Variants in SLC9D1 observed in about 807,000 individuals in gnomAD.
The protein encoded by SLC9D1 is putative LAG1-interacting protein.
chr13:113,538,115 T>TTGTG, the SLC9D1 span, among the ~76,000 whole-genome samples: 24,848 of 151,276 alleles, frequency 0.16, 2,228 homozygotes, highest in Admixed American at 0.27. Flanking sequence ...ATGTATGTGT[T>TTGTG]TGTGCATGCA....
the SLC9D1 span, among the ~76,000 whole-genome samples, chr13:113,506,417 TG>T: frequency 1.3e-3 from 110 of 83,940 alleles, 5 homozygotes; most frequent in East Asian, 2.9e-3. Flanking sequence ...GTGGGCCGCG[TG>T]GCTGCCTGGC....
the SLC9D1 span, among the ~76,000 whole-genome samples, chr13:113,507,388 C>T: frequency 3.3e-5 from 5 of 152,162 alleles, no homozygotes; most frequent in Admixed American, 1.3e-4. Context: ...CTGAGATACC[C>T]GGAGTGACTT....
chr13:113,492,930 C>T, the SLC9D1 span, among the ~76,000 whole-genome samples: 1 of 152,100 alleles, frequency 6.6e-6, no homozygotes, highest in Admixed American at 6.5e-5. Context: ...AAACACATTA[C>T]AGGAATCCAA....
chr13:113,546,527 GT>G, the SLC9D1 span, among the ~76,000 whole-genome samples: 1 of 152,202 alleles, frequency 6.6e-6, no homozygotes, highest in Admixed American at 6.5e-5. The surrounding 1 kb of genome is among the most constrained non-coding windows in gnomAD (Gnocchi z 7.1). Context: ...AAAGGCCAGT[GT>G]TTACATTTGT....
the SLC9D1 span, among the ~76,000 whole-genome samples, chr13:113,544,625 C>G: frequency 6.6e-6 from 1 of 152,376 alleles, no homozygotes; most frequent in South Asian, 2.1e-4. Flanking sequence ...AGATGATTAT[C>G]TCTCACCGTT....
the SLC9D1 span, among the ~76,000 whole-genome samples, chr13:113,544,526 G>A: frequency 6.6e-6 from 1 of 152,234 alleles, no homozygotes; most frequent in South Asian, 2.1e-4. Flanking sequence ...AGCCACGCTT[G>A]CTCATTTACT....
At chr13:113,501,137 T>C in the SLC9D1 span, among the ~76,000 whole-genome samples, 1 of 152,140 alleles carries the variant, frequency 6.6e-6, no homozygotes, top group Non-Finnish European at 1.5e-5. Context: ...GTTTCCCAGA[T>C]TAGAAAACTC....
the SLC9D1 span, among the ~76,000 whole-genome samples, chr13:113,543,950 C>G: frequency 6.6e-6 from 1 of 152,208 alleles, no homozygotes. Context: ...TTATAGCTCA[C>G]TTTTTTCTCT....
At chr13:113,505,209 T>G in the SLC9D1 span, 2 of 152,224 alleles carry the variant, frequency 1.3e-5, no homozygotes, top group African/African-American at 2.4e-5. Flanking sequence ...TATTAGTCCT[T>G]TGTCGGATGT....
the SLC9D1 span, chr13:113,500,223 C>T: frequency 1.0e-6 from 1 of 991,322 alleles, no homozygotes; most frequent in Non-Finnish European, 1.4e-6. Context: ...CGAGCTTTAT[C>T]TTCTGAACAA....
At chr13:113,547,740 A>C in the SLC9D1 span, among the ~76,000 whole-genome samples, 2 of 152,188 alleles carry the variant, frequency 1.3e-5, no homozygotes, top group African/African-American at 4.8e-5. Context: ...GTCCCCCGTG[A>C]CTGCCAGTGA....
chr13:113,544,005 G>A, the SLC9D1 span, among the ~76,000 whole-genome samples: 6 of 152,352 alleles, frequency 3.9e-5, no homozygotes, highest in East Asian at 3.9e-4. Context: ...CAGGCAGCAC[G>A]TAGACGGCAT....
chr13:113,526,147 C>T, the SLC9D1 span, among the ~76,000 whole-genome samples: 8 of 152,154 alleles, frequency 5.3e-5, no homozygotes, highest in South Asian at 2.1e-4. Context: ...TGGAAGACAG[C>T]GACACTGATG....
chr13:113,534,219 C>T, the SLC9D1 span: 4 of 1,613,334 alleles, frequency 2.5e-6, no homozygotes, highest in Non-Finnish European at 3.4e-6. Context: ...GAATATCTGC[C>T]TTTATCTTCT....
chr13:113,508,561 G>T, the SLC9D1 span, among the ~76,000 whole-genome samples: 2 of 152,206 alleles, frequency 1.3e-5, no homozygotes, highest in Non-Finnish European at 2.9e-5. Flanking sequence ...CCCTCCTTGT[G>T]GAAGGAGAGA....
the SLC9D1 span, among the ~76,000 whole-genome samples, chr13:113,548,857 A>G: frequency 6.6e-6 from 1 of 152,160 alleles, no homozygotes; most frequent in Non-Finnish European, 1.5e-5. Flanking sequence ...ATTCGGACTC[A>G]CGGCCTTGTC....
the SLC9D1 span, among the ~76,000 whole-genome samples, chr13:113,513,083 A>G: frequency 2.0e-5 from 3 of 152,176 alleles, no homozygotes; most frequent in African/African-American, 4.8e-5. Context: ...GCAGCTGAGC[A>G]TGAAGTAGAA....
At chr13:113,502,667 A>T in the SLC9D1 span, among the ~76,000 whole-genome samples, 1 of 152,188 alleles carries the variant, frequency 6.6e-6, no homozygotes, top group Admixed American at 6.5e-5. Flanking sequence ...CTGTCTCCCC[A>T]CAACACTCAC....
chr13:113,527,073 C>T, the SLC9D1 span, among the ~76,000 whole-genome samples: 4 of 152,122 alleles, frequency 2.6e-5, no homozygotes, highest in Admixed American at 2.0e-4. Context: ...GATGAAATTG[C>T]CTTATGATGC....
Sources: gnomAD v4.1 joint callset for allele counts (sites outside exome capture counted in the v4.1 genomes callset) on GRCh38, gnomAD v4.1.1 for gene constraint, Gnocchi (gnomAD v3.1) non-coding constraint, MANE v1.5 for transcripts, NCBI Gene and HGNC (gene_info 2026-07-23, HGNC 2026-07-21) for gene names.